The following SERAC1 variants were observed in gnomAD, a reference collection of about 807,000 sequenced individuals.
SERAC1 encodes the protein protein SERAC1.
In SERAC1, 36 loss-of-function variants were observed where a neutral mutation model predicts 85.7. The ratio of observed to expected loss-of-function variants is 0.42; its 90% CI spans 0.32 to 0.55. SERAC1 has a LOEUF of 0.55. SERAC1 is among the 20% of genes least tolerant of loss of function. The pLI, the probability that SERAC1 is intolerant of heterozygous loss-of-function variation, is 0.11. For missense variants in SERAC1, 629 were observed against 796.2 expected (o/e 0.79, Z 2.53); for synonymous variants, 242 against 265.3 (o/e 0.91, Z 0.85).
chr6:158,158,229 C>T (rs1435639926), intron 2 of SERAC1, 44 bp downstream of exon 2: 1 of 1,427,700 alleles, frequency 7.0e-7, no homozygotes, highest in Non-Finnish European at 9.8e-7. Context: ...ACAATTCTAT[C>T]ACTGTTCCTA....
At chr6:158,167,752 A>G (rs1213855182) in intron 1 of SERAC1, among the ~76,000 whole-genome samples, 1 of 152,052 alleles carries the variant, frequency 6.6e-6, no homozygotes, top group African/African-American at 2.4e-5. Context: ...CTCTCTCAGC[A>G]TTCAATCTAT....
intron 10 of SERAC1, among the ~76,000 whole-genome samples, chr6:158,122,462 AAT>A (rs1162347083): frequency 6.6e-6 from 1 of 152,172 alleles, no homozygotes; most frequent in African/African-American, 2.4e-5. Context: ...CCTTTTGAAA[AAT>A]ATAGTCATAT....
rs1462482254 is a variant in SERAC1, at chr6:158,113,555, CAGAA to C, written c.1718_1721del (p.Phe573TrpfsTer12). The C allele has an allele frequency of 6.2e-7, 1 of 1,613,846 alleles. No individual in the cohort carries two copies. The highest frequency in any genetic ancestry group is 1.1e-5 in the South Asian group (1 of 91,060). On this transcript the variant is annotated frameshift_variant, in exon 16 of 17. Transcript: ENST00000647468. LOFTEE classifies it high-confidence loss of function. The stretch of plus-strand genomic sequence containing the variant: ...GGAAGTTTTTGTCTTTAGCAAACTC[CAGAA>C]AGTCATCTTGTAGTGTTTTAAGTGC...
intron 8 of SERAC1, among the ~76,000 whole-genome samples, chr6:158,142,579 C>T (rs187475934): frequency 8.4e-4 from 128 of 151,990 alleles, no homozygotes; most frequent in African/African-American, 2.8e-3. Flanking sequence ...CGGGTTCAAG[C>T]GATTCTCCTG....
chr6:158,161,901 G>A (rs1785496740), intron 1 of SERAC1: 1 of 152,088 alleles, frequency 6.6e-6, no homozygotes, highest in Admixed American at 6.6e-5. Context: ...CCAATCCTAA[G>A]TTTGTTCAGC....
intron 14 of SERAC1, 30 bp from the exon 15 acceptor site, chr6:158,115,001 C>T: frequency 6.3e-7 from 1 of 1,584,228 alleles, no homozygotes; most frequent in Non-Finnish European, 8.6e-7. Flanking sequence ...AAAAACAATG[C>T]ATAAGCTATT....
intron 8 of SERAC1, among the ~76,000 whole-genome samples, chr6:158,136,175 A>C (rs1307463207): frequency 6.6e-6 from 1 of 152,210 alleles, no homozygotes; most frequent in Non-Finnish European, 1.5e-5. Flanking sequence ...ATTATTCCAA[A>C]ATAAAAAGAG....
chr6:158,165,432 A>G (rs1324027023), intron 1 of SERAC1, among the ~76,000 whole-genome samples: 4 of 151,996 alleles, frequency 2.6e-5, no homozygotes, highest in African/African-American at 4.8e-5. Flanking sequence ...TGGGATTACA[A>G]GCGTGAGCCA....
chr6:158,116,104 A>AGAT, intron 14 of SERAC1, 81 bp downstream of exon 14: 6 of 1,137,526 alleles, frequency 5.3e-6, no homozygotes, highest in East Asian at 2.4e-5. Flanking sequence ...TAAAATGGAA[A>AGAT]GATAAAATAA....
intron 2 of SERAC1, among the ~76,000 whole-genome samples, chr6:158,156,828 T>C (rs1438569131): frequency 1.5e-5 from 2 of 134,304 alleles, no homozygotes; most frequent in Non-Finnish European, 3.1e-5. Flanking sequence ...AATATATTAA[T>C]ATATTATATA....
At chr6:158,115,121 T>G (rs529869846) in intron 14 of SERAC1, 150 bp from the exon 15 acceptor site, 88 of 759,394 alleles carry the variant, frequency 1.2e-4, no homozygotes, top group Middle Eastern at 3.6e-4. Context: ...TACAGTAGTA[T>G]AAGAAATAAG....
At chr6:158,145,087 T>C (rs35973468) in intron 6 of SERAC1, among the ~76,000 whole-genome samples, 7,823 of 152,004 alleles carry the variant, frequency 0.051, 288 homozygotes, top group Middle Eastern at 0.095. Context: ...CTACTAAAAA[T>C]ACAAAAATTA....
intron 8 of SERAC1, among the ~76,000 whole-genome samples, chr6:158,139,091 G>C (rs1784860256): frequency 6.6e-6 from 1 of 152,002 alleles, no homozygotes; most frequent in Non-Finnish European, 1.5e-5. Context: ...CTTCTTTGTA[G>C]AGATAGTCTT....
In SERAC1 at chr6:158,164,103, T is replaced by C. The variant is rs535090772; in HGVS notation, c.-2+4037A>G. Among the ~76,000 whole-genome samples the C allele has an allele frequency of 3.3e-5, 5 of 152,232 alleles. 1 individual carries two copies. Among genetic ancestry groups the C allele is most frequent in the Admixed American group, 2.0e-4 (3 of 15,292 alleles). ...AATTTTCCAGCTGTGTCCTTCCTTT[T>C]CAAGACGGACTATTCTAGGTCCTTG... is the stretch of plus-strand genomic sequence containing the variant. On this transcript the variant is annotated intron_variant, in intron 1 of 16. Coordinates refer to ENST00000647468, the MANE Select transcript of SERAC1 (RefSeq NM_032861.4).
intron 10 of SERAC1, among the ~76,000 whole-genome samples, chr6:158,122,968 C>T (rs927964464): frequency 2.0e-5 from 3 of 152,070 alleles, no homozygotes; most frequent in Non-Finnish European, 4.4e-5. Context: ...TTCCTATTGG[C>T]AGACATTTAG....
Position 158,125,634 on chromosome 6 carries a change from T to C in SERAC1, c.1015+2474A>G, listed in dbSNP as rs1368058112. Among the ~76,000 whole-genome samples the C allele has an allele frequency of 2.0e-5, 3 of 152,042 alleles. No individual in the cohort carries two copies. In the East Asian group the frequency reaches 5.8e-4, roughly 29 times the overall value. On this transcript the variant is annotated intron_variant, in intron 10 of 16. Coordinates refer to ENST00000647468, the MANE Select transcript of SERAC1 (RefSeq NM_032861.4). ...CTCCCAGCTACTCGTGAGGCTAAGG[T>C]AGGAAGATCACTTGAGCCTAGGAGT...
At chr6:158,113,653 A>C in intron 15 of SERAC1, 61 bp from the exon 16 acceptor site, 1 of 1,391,638 alleles carries the variant, frequency 7.2e-7, no homozygotes, top group Non-Finnish European at 9.8e-7. Flanking sequence ...AATAAAATGC[A>C]TTAATCTTTC....
At chr6:158,118,964 G>T in intron 12 of SERAC1, 65 bp downstream of exon 12, 1 of 1,543,350 alleles carries the variant, frequency 6.5e-7, no homozygotes, top group Non-Finnish European at 8.7e-7. Flanking sequence ...AAACAAGCAA[G>T]CCACAATCAG....
In SERAC1 at chr6:158,117,735, A is replaced by T; in HGVS notation, c.1395T>A (p.Pro465=). The T allele has an allele frequency of 6.2e-7, 1 of 1,614,046 alleles. No homozygotes were observed. Among genetic ancestry groups the T allele is most frequent in the South Asian group, 1.1e-5 (1 of 91,080 alleles). The change falls in exon 13 of 17, where the codon CCT becomes CCA. Residue 465 remains proline (P), a synonymous_variant. Coordinates refer to ENST00000647468, the MANE Select transcript of SERAC1 (RefSeq NM_032861.4). The surrounding 1 kb of genome is among the most constrained non-coding windows in gnomAD (Gnocchi z 4.3). Reference sequence around the variant, plus strand: ...AAAGTCGCCTCTGTTACCTTTCCATAGGGCACCTTGCTCTCCAGTCGCTGA... The same window carrying T: ...AAAGTCGCCTCTGTTACCTTTCCATTGGGCACCTTGCTCTCCAGTCGCTGA... ...TSLSDWRARC[P]MERKSIAFRS...
Sources: gnomAD v4.1 joint callset for allele counts (sites outside exome capture counted in the v4.1 genomes callset) on GRCh38, gnomAD v4.1.1 for gene constraint, Gnocchi (gnomAD v3.1) non-coding constraint, MANE v1.5 for transcripts, NCBI Gene and HGNC (gene_info 2026-07-23, HGNC 2026-07-21) for gene names.